The following EIF4G3 variants were observed in gnomAD, a reference collection of about 807,000 sequenced individuals.
EIF4G3 encodes the protein eIF-4-gamma 3.
Under a neutral mutation model 186.4 loss-of-function variants are expected in EIF4G3, and 34 were observed. That is an observed-to-expected ratio of 0.18 (90% confidence interval 0.14 to 0.24). EIF4G3 has a LOEUF of 0.24. EIF4G3 is among the 10% of genes least tolerant of loss of function. EIF4G3 has a pLI of 1.00. For missense variants in EIF4G3, 1,536 were observed against 1,948.5 expected (o/e 0.79, Z 3.99); for synonymous variants, 673 against 679.5 (o/e 0.99, Z 0.15).
At chr1:20,916,378 C>T (rs1007218177) in intron 14 of EIF4G3, among the ~76,000 whole-genome samples, 7 of 151,084 alleles carry the variant, frequency 4.6e-5, no homozygotes, top group East Asian at 3.9e-4. Context: ...ACCCGGGAGG[C>T]GGAGGTTGCA....
At chr1:20,944,018 G>GTGTGTGTGTGTGTGTA (rs2095836917) in intron 13 of EIF4G3, among the ~76,000 whole-genome samples, 1 of 147,498 alleles carries the variant, frequency 6.8e-6, no homozygotes, top group Admixed American at 6.8e-5. Context: ...GTGTGTGTGT[G>GTGTGTGTGTGTGTGTA]TGTGTGTGTG....
In EIF4G3 at chr1:20,888,743, TC is replaced by T. The variant is rs2085025193; in HGVS notation, c.2254-2373del. ...AAGGACCCTAAAAACTATATTATCA[TC>T]AACACCAAAGGATCAAAAGGAACTT... On this transcript the variant is annotated intron_variant, in intron 18 of 36. Transcript: ENST00000602326. Among the ~76,000 whole-genome samples the T allele has an allele frequency of 1.2e-4, 18 of 152,270 alleles. No individual in the cohort carries two copies. In the South Asian group the frequency reaches 3.3e-3, roughly 28 times the overall value.
At chr1:21,053,680 G>A (rs374607024) in intron 3 of EIF4G3, among the ~76,000 whole-genome samples, 45,587 of 132,396 alleles carry the variant, frequency 0.34, 7,643 homozygotes, top group Non-Finnish European at 0.41. Context: ...GAAGTGAGGA[G>A]CCCCTCTGCC....
intron 25 of EIF4G3, among the ~76,000 whole-genome samples, chr1:20,855,380 T>C (rs759708728): frequency 5.9e-5 from 9 of 152,228 alleles, no homozygotes; most frequent in Admixed American, 5.2e-4. Context: ...TCATTCTTCT[T>C]GTACAATACC....
Position 20,931,744 on chromosome 1 carries a change from G to C in EIF4G3, c.1663+9747C>G, listed in dbSNP as rs376812939. ...GATTGAGACCATCCTGGCCAACATG[G>C]TGAAACCCTGTCTCTACTAAAAATA... is the stretch of plus-strand genomic sequence containing the variant. On this transcript the variant is annotated intron_variant, in intron 14 of 36. Transcript: ENST00000602326. Among the ~76,000 whole-genome samples the C allele has an allele frequency of 2.1e-3, 326 of 152,186 alleles. 14 individuals are homozygous for C. The South Asian group carries it at 0.064, about 30-fold the overall frequency.
chr1:20,909,778 A>AT (rs35293207), intron 14 of EIF4G3, among the ~76,000 whole-genome samples: 21,611 of 129,288 alleles, frequency 0.17, 2,313 homozygotes, highest in East Asian at 0.31. Flanking sequence ...CAATCTGCTA[A>AT]TTTTTTTTTT....
chr1:20,824,285 T>C (rs2063085703), intron 33 of EIF4G3, among the ~76,000 whole-genome samples: 1 of 152,264 alleles, frequency 6.6e-6, no homozygotes, highest in Admixed American at 6.5e-5. Flanking sequence ...AGAAAGCTAA[T>C]GTCTGTAGCA....
At chr1:21,056,976 C>T (rs898944974) in intron 3 of EIF4G3, among the ~76,000 whole-genome samples, 12 of 152,194 alleles carry the variant, frequency 7.9e-5, no homozygotes, top group Admixed American at 5.2e-4. Flanking sequence ...AAAATATGCC[C>T]GAGAAACATT....
At chr1:21,037,161 G>C (rs2093271298) in intron 4 of EIF4G3, among the ~76,000 whole-genome samples, 1 of 151,362 alleles carries the variant, frequency 6.6e-6, no homozygotes, top group Non-Finnish European at 1.5e-5. Context: ...AGAGTATTTG[G>C]CTCTTTTTAA....
intron 14 of EIF4G3, among the ~76,000 whole-genome samples, chr1:20,932,467 T>C (rs962934870): frequency 6.6e-6 from 1 of 152,146 alleles, no homozygotes; most frequent in African/African-American, 2.4e-5. Context: ...TCGATACATA[T>C]TCCTCACTAA....
intron 2 of EIF4G3, among the ~76,000 whole-genome samples, chr1:21,131,695 A>C (rs956765145): frequency 6.6e-6 from 1 of 152,156 alleles, no homozygotes; most frequent in African/African-American, 2.4e-5. Context: ...ACTTTAAAAG[A>C]GTGTGGCTGG....
At chr1:21,172,594 G>A (rs777997439) in intron 2 of EIF4G3, among the ~76,000 whole-genome samples, 5 of 152,054 alleles carry the variant, frequency 3.3e-5, no homozygotes, top group Non-Finnish European at 7.4e-5. Flanking sequence ...TGTCACCCAG[G>A]TTGGAGTGCA....
At chr1:20,816,904 ATTC>A (rs2061138848) in intron 34 of EIF4G3, among the ~76,000 whole-genome samples, 1 of 133,290 alleles carries the variant, frequency 7.5e-6, no homozygotes, top group Non-Finnish European at 1.6e-5. Flanking sequence ...ACTAAGAAAA[ATTC>A]TTCTGCCTTG....
At chr1:21,025,083 A>G (rs2091858254) in intron 4 of EIF4G3, among the ~76,000 whole-genome samples, 1 of 152,146 alleles carries the variant, frequency 6.6e-6, no homozygotes, top group Non-Finnish European at 1.5e-5. Flanking sequence ...TGTGTAGGCA[A>G]AACAAGGAAT....
At chr1:21,026,737 GC>G (rs2092148797) in intron 4 of EIF4G3, among the ~76,000 whole-genome samples, 1 of 151,932 alleles carries the variant, frequency 6.6e-6, no homozygotes, top group Non-Finnish European at 1.5e-5. Flanking sequence ...ATCACTTGAG[GC>G]CAGGAGTTCG....
rs766188203 is a variant in EIF4G3, at chr1:20,879,475, G to C, written c.2470C>G (p.Gln824Glu). The C allele has an allele frequency of 6.5e-7, 1 of 1,527,266 alleles. No homozygotes were observed. Among genetic ancestry groups the C allele is most frequent in the South Asian group, 1.3e-5 (1 of 76,680 alleles). 94.6% of individuals were successfully genotyped at this position (1,527,266 alleles called of 1,614,324 possible). A position where few individuals can be genotyped will look rare whatever the true frequency, so the allele number is the denominator to read the frequency against. The change falls in exon 20 of 37, where the codon CAG (glutamine) becomes GAG (glutamate). Residue 824 changes from glutamine (Q) to glutamate (E), a missense_variant. This residue lies in a region of EIF4G3 where 139 missense variants were observed against 192.8 expected (regional missense o/e 0.72). Coordinates refer to ENST00000602326, the MANE Select transcript of EIF4G3 (RefSeq NM_001391906.1). The part of the protein sequence containing the change: ...VRSILNKLTP[Q>E]MFNQLMKQVS... The stretch of plus-strand genomic sequence containing the variant: ...TGCTTCATCAGTTGATTGAACATCT[G>C]TGGTGTCAATTTATTTAAGATACTT...
chr1:21,051,929 T>G (rs930893907), intron 3 of EIF4G3, among the ~76,000 whole-genome samples: 2 of 152,208 alleles, frequency 1.3e-5, no homozygotes, highest in African/African-American at 2.4e-5. Flanking sequence ...TGTGTAGGAA[T>G]ATTTCTATAT....
intron 34 of EIF4G3, among the ~76,000 whole-genome samples, 167 bp downstream of exon 34, chr1:20,817,225 C>T (rs2061236885): frequency 1.5e-5 from 2 of 132,616 alleles, no homozygotes; most frequent in South Asian, 2.4e-4. Flanking sequence ...CGAGAAACAC[C>T]CAAGAATGAT....
At chr1:21,076,523 C>T (rs2095594293) in intron 3 of EIF4G3, among the ~76,000 whole-genome samples, 1 of 151,902 alleles carries the variant, frequency 6.6e-6, no homozygotes. Flanking sequence ...AAAATAGAGA[C>T]ATGATACTAC....
Sources: allele counts gnomAD v4.1 joint callset (sites outside exome capture counted in the v4.1 genomes callset), GRCh38; gene constraint gnomAD v4.1.1; regional missense constraint gnomAD v4.1.1; transcripts MANE v1.5; gene names NCBI Gene and HGNC (gene_info 2026-07-23, HGNC 2026-07-21).